IDNK: variants seen among roughly 807,000 people sequenced by gnomAD.
IDNK encodes the protein IDNK gluconokinase.
In IDNK, 9 loss-of-function variants were observed where a neutral mutation model predicts 13.0. That is an observed-to-expected ratio of 0.69 (90% confidence interval 0.42 to 1.21). IDNK has a LOEUF of 1.21. IDNK is among the 50% of genes most tolerant of loss of function. IDNK has a pLI of 0.00. For missense variants in IDNK, 210 were observed against 237.8 expected (o/e 0.88, Z 0.77); for synonymous variants, 92 against 94.9 (o/e 0.97, Z 0.18).
At chr9:83,634,512 T>G (rs564216366) in intron 3 of IDNK, among the ~76,000 whole-genome samples, 43 of 152,358 alleles carry the variant, frequency 2.8e-4, no homozygotes, top group African/African-American at 1.0e-3. Context: ...GATAGAAAAC[T>G]TATTACCCAA....
chr9:83,632,867 C>T (rs1353229819), intron 3 of IDNK, among the ~76,000 whole-genome samples: 1 of 152,168 alleles, frequency 6.6e-6, no homozygotes. Context: ...CTTCCAATTT[C>T]TTCACTGTAG....
chr9:83,628,754 G>C, intron 2 of IDNK, 119 bp from the exon 3 acceptor site: 1 of 716,146 alleles, frequency 1.4e-6, no homozygotes, highest in Non-Finnish European at 2.5e-6. Flanking sequence ...GTTGTCCTTG[G>C]GGTTGATGGG....
chr9:83,632,941 C>T (rs2131626881), intron 3 of IDNK, among the ~76,000 whole-genome samples: 1 of 152,286 alleles, frequency 6.6e-6, no homozygotes, highest in Non-Finnish European at 1.5e-5. Flanking sequence ...GTGTCTAGGT[C>T]CTTCCTAGCA....
chr9:83,632,413 G>C (rs1337719612), intron 3 of IDNK, among the ~76,000 whole-genome samples: 2 of 152,030 alleles, frequency 1.3e-5, no homozygotes, highest in East Asian at 3.8e-4. Context: ...CTGGGAGTCG[G>C]GAGTGCACTG....
chr9:83,634,457 G>A (rs1486345995), intron 3 of IDNK, among the ~76,000 whole-genome samples: 2 of 152,138 alleles, frequency 1.3e-5, no homozygotes, highest in Admixed American at 6.6e-5. Context: ...TTAAAACAAT[G>A]AAAAAACATG....
chr9:83,626,898 C>G (rs566467620), intron 1 of IDNK: 95 of 1,046,742 alleles, frequency 9.1e-5, no homozygotes, highest in Middle Eastern at 9.0e-4. Flanking sequence ...GAGCAGATCT[C>G]AGTTTGGTAC....
chr9:83,624,497 A>G (rs1830791745), intron 1 of IDNK, among the ~76,000 whole-genome samples: 3 of 152,198 alleles, frequency 2.0e-5, no homozygotes. Flanking sequence ...GTAAATGAAT[A>G]TATGTAGTGT....
intron 3 of IDNK, among the ~76,000 whole-genome samples, chr9:83,634,411 G>C (rs1770771048): frequency 6.6e-6 from 1 of 152,116 alleles, no homozygotes; most frequent in Non-Finnish European, 1.5e-5. Context: ...GAAGCAGTGT[G>C]CTTTATTATT....
Position 83,633,208 on chromosome 9 carries a change from A to G in IDNK, c.168+4249A>G, listed in dbSNP as rs1410250952. 4.6e-5 allele frequency among the ~76,000 whole-genome samples: 7 copies of G among 152,140 alleles called. 1 individual carries two copies. The South Asian group carries it at 1.2e-3, about 27-fold the overall frequency. On this transcript the variant is annotated intron_variant, in intron 3 of 4. Transcript: ENST00000376419. ...CACAAAATTAGCCGGGCGTGGTGGC[A>G]GGCGCCTGTAGTCCCAGCTACTCGG...
chr9:83,626,549 T>G (rs1458966062), intron 1 of IDNK: 4 of 449,242 alleles, frequency 8.9e-6, no homozygotes, highest in South Asian at 6.5e-5. Flanking sequence ...CCGGAGTAAC[T>G]GGGGTTACAG....
chr9:83,623,402 C>A, intron 1 of IDNK, 181 bp downstream of exon 1: 2 of 629,840 alleles, frequency 3.2e-6, no homozygotes, highest in Non-Finnish European at 2.7e-6. Context: ...AGCCTGCTCG[C>A]GGGGCGCCCA....
chr9:83,643,339 G>A, intron 4 of IDNK, 90 bp from the exon 5 acceptor site: 2 of 1,008,454 alleles, frequency 2.0e-6, no homozygotes, highest in Non-Finnish European at 2.9e-6. Context: ...CAGGAAGTAG[G>A]ACTAGAGTCC....
At chr9:83,628,422 G>C (rs1194159810) in intron 2 of IDNK, among the ~76,000 whole-genome samples, 1 of 152,068 alleles carries the variant, frequency 6.6e-6, no homozygotes, top group Non-Finnish European at 1.5e-5. Context: ...TTTGGGAGGT[G>C]GGCAGATCAT....
Position 83,628,186 on chromosome 9 carries a change from C to G in IDNK, c.56C>G (p.Thr19Ser). ...VMGVSGSGKSTVGALLASELG... is the reference protein window; with the variant it reads ...VMGVSGSGKSSVGALLASELG... Reference sequence around the variant, plus strand: ...CATCTGTGTCCTCTCCACAGATCCACCGTGGGCGCCCTGCTGGCATCTGAG... The same window carrying G: ...CATCTGTGTCCTCTCCACAGATCCAGCGTGGGCGCCCTGCTGGCATCTGAG... The change falls in exon 2 of 5, where the codon ACC (threonine) becomes AGC (serine). Residue 19 changes from threonine (T) to serine (S), a missense_variant. Physicochemically the swap from Thr to Ser is moderately conservative, Grantham distance 58. Coordinates refer to ENST00000376419, the MANE Select transcript of IDNK (RefSeq NM_001001551.4). 1 of 1,550,586 alleles carries G rather than the reference C, an allele frequency of 6.4e-7. No individual in the cohort carries two copies. Among genetic ancestry groups the G allele is most frequent in the Non-Finnish European group, 8.7e-7 (1 of 1,146,994 alleles).
intron 1 of IDNK, chr9:83,623,472 GC>G: frequency 2.1e-6 from 1 of 477,706 alleles, no homozygotes; most frequent in South Asian, 2.4e-5. Flanking sequence ...TGCGGCGACC[GC>G]AGGCTCAGGG....
Position 83,643,486 on chromosome 9 carries a change from CAG to C in IDNK, c.274_275del (p.Asp92HisfsTer14), listed in dbSNP as rs1459044285. On this transcript the variant is annotated frameshift_variant, in exon 5 of 5. Transcript: ENST00000376419. LOFTEE classifies it low-confidence loss of function (END_TRUNC). ...LACSALKKTY[R>X]DILTQGKDGV... is the part of the protein sequence containing the mutation. Reference sequence around the variant, plus strand: ...CCTGTTCAGCCCTGAAGAAAACGTACAGAGACATATTAACACAAGGAAAAGAT... The same window carrying C: ...CCTGTTCAGCCCTGAAGAAAACGTACAGACATATTAACACAAGGAAAAGAT... 1 of 1,613,682 alleles carries C rather than the reference CAG, an allele frequency of 6.2e-7. No individual in the cohort carries two copies. The highest frequency in any genetic ancestry group is 1.7e-5 in the Admixed American group (1 of 59,970).
chr9:83,630,497 G>A (rs1009326301), intron 3 of IDNK, among the ~76,000 whole-genome samples: 1 of 152,156 alleles, frequency 6.6e-6, no homozygotes. Context: ...AATGGTAACA[G>A]GATCTATTTG....
At chr9:83,643,041 G>A (rs1483103518) in intron 4 of IDNK, among the ~76,000 whole-genome samples, 1 of 152,228 alleles carries the variant, frequency 6.6e-6, no homozygotes, top group Non-Finnish European at 1.5e-5. Context: ...ACAGGGGCAT[G>A]CCGGCAGCCC....
At chr9:83,641,003 G>C (rs753485579) in intron 3 of IDNK, among the ~76,000 whole-genome samples, 19 of 152,208 alleles carry the variant, frequency 1.2e-4, no homozygotes, top group Non-Finnish European at 2.6e-4. Flanking sequence ...CGCCAGGAAG[G>C]AGAGAATTTA....
Sources: gnomAD v4.1 joint callset for allele counts (sites outside exome capture counted in the v4.1 genomes callset) on GRCh38, gnomAD v4.1.1 for gene constraint, MANE v1.5 for transcripts, NCBI Gene and HGNC (gene_info 2026-07-23, HGNC 2026-07-21) for gene names.